Variants in TRPM3 observed in about 807,000 individuals in gnomAD.
TRPM3 encodes transient receptor potential cation channel subfamily M member 3, also known as long transient receptor potential channel 3.
Under a neutral mutation model 181.2 loss-of-function variants are expected in TRPM3, and 77 were observed. The ratio of observed to expected loss-of-function variants is 0.42; its 90% CI spans 0.35 to 0.51. TRPM3 has a LOEUF of 0.51. Ranked by LOEUF, TRPM3 falls within the 20% of genes least tolerant of loss-of-function variation. The probability of loss-of-function intolerance (pLI) is 0.01; values close to 1 mark genes in which losing one functional copy is unlikely to be tolerated. For missense variants in TRPM3, 1,759 were observed against 2,196.7 expected, an observed-to-expected ratio of 0.80 and a Z score of 3.98; for synonymous variants, 745 against 796.4, an observed-to-expected ratio of 0.94 and a Z score of 1.09.
At chr9:71,154,493 A>T (rs1484286649) in intron 1 of TRPM3, among the ~76,000 whole-genome samples, 1 of 152,116 alleles carries the variant, frequency 6.6e-6, no homozygotes, top group African/African-American at 2.4e-5. Flanking sequence ...ACACACCAGC[A>T]AACTCCAACT....
At chr9:71,168,622 TA>T (rs141813123) in intron 1 of TRPM3, among the ~76,000 whole-genome samples, 36,273 of 133,180 alleles carry the variant, frequency 0.27, 6,219 homozygotes, top group Middle Eastern at 0.47. Flanking sequence ...TTTTTATTAT[TA>T]TTTTTTTATT....
intron 25 of TRPM3, 23 bp from the exon 26 acceptor site, chr9:70,537,428 G>C (rs1318151677): frequency 7.0e-7 from 1 of 1,428,854 alleles, no homozygotes; most frequent in East Asian, 2.4e-5. Flanking sequence ...GAGAGAATGA[G>C]AGTCACTCGG....
At position 71,369,527 on chromosome 9, in the gene TRPM3, C is replaced by T. The variant is rs1328946776; in HGVS notation, c.183+77126G>A. ...TGAGAATGGTCCATTTTTTATAACA[C>T]AGAGTCTCACTCTGTCGCCAGGCTG... is the stretch of plus-strand genomic sequence containing the variant. On this transcript the variant is annotated intron_variant, in intron 1 of 24. Transcript: ENST00000357533. 3.3e-5 allele frequency among the ~76,000 whole-genome samples: 5 copies of T among 152,086 alleles called. No individual in the cohort carries two copies. In the South Asian group the frequency reaches 6.2e-4, roughly 19 times the overall value.
At chr9:70,582,100 C>T (rs2055939109) in intron 22 of TRPM3, among the ~76,000 whole-genome samples, 1 of 151,938 alleles carries the variant, frequency 6.6e-6, no homozygotes, top group South Asian at 2.1e-4. Flanking sequence ...ACAAAGTTAG[C>T]TAGCTACTTT....
intron 1 of TRPM3, among the ~76,000 whole-genome samples, chr9:71,442,347 G>A (rs562534403): frequency 3.3e-4 from 51 of 152,242 alleles, no homozygotes; most frequent in African/African-American, 1.1e-3. Flanking sequence ...TCCTTTTACA[G>A]AGTTTACTCA....
At chr9:71,213,517 T>G (rs1356734189) in intron 1 of TRPM3, among the ~76,000 whole-genome samples, 1 of 152,240 alleles carries the variant, frequency 6.6e-6, no homozygotes, top group Non-Finnish European at 1.5e-5. Flanking sequence ...ATGTTTTGTT[T>G]TGTTTTGTTT....
At chr9:70,606,477 G>GTT (rs2061137827) in intron 19 of TRPM3, among the ~76,000 whole-genome samples, 1 of 151,852 alleles carries the variant, frequency 6.6e-6, no homozygotes, top group Admixed American at 6.6e-5. Context: ...AATATTTTGG[G>GTT]ACAACTCTCA....
At chr9:71,071,913 C>CTT (rs921905213) in intron 1 of TRPM3, among the ~76,000 whole-genome samples, 3 of 152,128 alleles carry the variant, frequency 2.0e-5, no homozygotes, top group Non-Finnish European at 2.9e-5. Flanking sequence ...TCCTTTACTC[C>CTT]TTCAAGGAGA....
chr9:71,356,427 C>G (rs1253650752), intron 1 of TRPM3, among the ~76,000 whole-genome samples: 4 of 152,006 alleles, frequency 2.6e-5, no homozygotes, highest in Middle Eastern at 3.2e-3. Flanking sequence ...ACAACCCATA[C>G]AGAAAACTCA....
At chr9:70,679,222 T>C (rs917985932) in intron 9 of TRPM3, among the ~76,000 whole-genome samples, 5 of 152,224 alleles carry the variant, frequency 3.3e-5, no homozygotes, top group Non-Finnish European at 5.9e-5. Flanking sequence ...TTGCATATTG[T>C]CAATGTAAAT....
chr9:70,771,561 G>C (rs559928250), intron 7 of TRPM3, among the ~76,000 whole-genome samples: 2 of 152,142 alleles, frequency 1.3e-5, no homozygotes, highest in Non-Finnish European at 2.9e-5. Flanking sequence ...ATATCAAAAA[G>C]GAAACTGAAG....
rs1260567699 is a variant in TRPM3, at chr9:70,625,812, T to C, written c.1633-295A>G. On this transcript the variant is annotated intron_variant, in intron 12 of 25. Transcript: ENST00000677713. This position sits in a 1 kb window ranked among gnomAD's most constrained non-coding sequence, Gnocchi z 4.8. The stretch of plus-strand genomic sequence containing the variant: ...GACTCCTTTCAGAAGATGAGTGTCA[T>C]TACCAGAGCCTCCATCAGCTGGGAT... 6.6e-6 allele frequency among the ~76,000 whole-genome samples: 1 copy of C among 152,222 alleles called. No individual in the cohort carries two copies. The highest frequency in any genetic ancestry group is 2.4e-5 in the African/African-American group (1 of 41,456).
At position 70,631,970 on chromosome 9, in the gene TRPM3, T is replaced by C. The variant is rs747140428; in HGVS notation, c.1632+3241A>G. 2.9e-4 allele frequency among the ~76,000 whole-genome samples: 44 copies of C among 152,348 alleles called. 1 individual carries two copies. The highest frequency in any genetic ancestry group is 5.1e-4 in the Non-Finnish European group (35 of 68,032). On this transcript the variant is annotated intron_variant, in intron 12 of 25. Transcript: ENST00000677713. ...TTTACAGATGTATTATCAAACACTA[T>C]GCTTAAGGTCTAGGACTGTGTTCCT...
At chr9:70,762,767 A>G (rs940656101) in intron 7 of TRPM3, among the ~76,000 whole-genome samples, 8 of 152,302 alleles carry the variant, frequency 5.3e-5, no homozygotes, top group Non-Finnish European at 7.3e-5. Context: ...AAAGAGCCCA[A>G]TGTTTAAGTT....
chr9:71,116,907 T>C lies in TRPM3; in HGVS notation c.177+4271A>G, dbSNP rs374968657. On this transcript the variant is annotated intron_variant, in intron 1 of 25. Transcript: ENST00000677713. ...GGCTCATCCTCATTAATGAGATGAG[T>C]GAGATAAGGAATAATATTCTTTACT... Among the ~76,000 whole-genome samples, 9 of 152,182 alleles carry C rather than the reference T, an allele frequency of 5.9e-5. No individual in the cohort carries two copies. The East Asian group carries it at 9.7e-4, about 16-fold the overall frequency.
At chr9:70,861,967 G>A (rs1238159015) in intron 3 of TRPM3, among the ~76,000 whole-genome samples, 2 of 151,974 alleles carry the variant, frequency 1.3e-5, no homozygotes, top group Non-Finnish European at 2.9e-5. Context: ...GAAGAGGAGA[G>A]AGACAGGGAA....
At chr9:70,888,911 A>G (rs2132811335) in intron 1 of TRPM3, among the ~76,000 whole-genome samples, 1 of 152,352 alleles carries the variant, frequency 6.6e-6, no homozygotes, top group Non-Finnish European at 1.5e-5. Context: ...AAATGAGAGG[A>G]AAGTTGTAAC....
intron 1 of TRPM3, among the ~76,000 whole-genome samples, chr9:71,248,412 T>C (rs77993584): frequency 0.011 from 1,659 of 152,234 alleles, 28 homozygotes; most frequent in African/African-American, 0.038. Context: ...TACAATCACA[T>C]GGTGACCATG....
chr9:70,538,811 A>T (rs1324964241), intron 25 of TRPM3, among the ~76,000 whole-genome samples: 3 of 152,190 alleles, frequency 2.0e-5, no homozygotes, highest in Admixed American at 2.0e-4. Flanking sequence ...TGGGTCAATG[A>T]CATTTACGAA....
Sources: gnomAD v4.1 joint callset for allele counts (sites outside exome capture counted in the v4.1 genomes callset) on GRCh38, gnomAD v4.1.1 for gene constraint, Gnocchi (gnomAD v3.1) non-coding constraint, MANE v1.5 for transcripts, NCBI Gene and HGNC (gene_info 2026-07-23, HGNC 2026-07-21) for gene names.